COG5: variants seen among roughly 807,000 people sequenced by gnomAD.
The protein encoded by COG5 is conserved oligomeric Golgi complex subunit 5.
COG5 carries 86 observed loss-of-function variants against 110.4 expected under a neutral mutation model. The ratio of observed to expected loss-of-function variants is 0.78; its 90% confidence interval spans 0.65 to 0.93. The LOEUF (loss-of-function observed/expected upper bound fraction) is 0.93, where lower values mean the gene tolerates loss of function less well. COG5 is among the 40% of genes least tolerant of loss of function. COG5 has a pLI of 0.00. For synonymous variants in COG5, 360 were observed against 334.6 expected (o/e 1.08, Z -0.83); for missense variants, 1,077 against 987.0 (o/e 1.09, Z -1.22).
intron 6 of COG5, among the ~76,000 whole-genome samples, chr7:107,508,606 G>A (rs965041182): frequency 3.9e-5 from 6 of 152,228 alleles, no homozygotes; most frequent in African/African-American, 1.4e-4. Flanking sequence ...TGACCCCCGA[G>A]CAGCCTAACT....
At chr7:107,501,432 A>G (rs1798626628) in intron 6 of COG5, among the ~76,000 whole-genome samples, 1 of 152,108 alleles carries the variant, frequency 6.6e-6, no homozygotes, top group Non-Finnish European at 1.5e-5. Context: ...CAGAGCTTCC[A>G]TGAACATTAT....
At chr7:107,265,232 C>G (rs1803701874) in intron 14 of COG5, among the ~76,000 whole-genome samples, 1 of 152,102 alleles carries the variant, frequency 6.6e-6, no homozygotes, top group Non-Finnish European at 1.5e-5. Context: ...ATAATCTCAT[C>G]AAGGTACTTT....
intron 2 of COG5, among the ~76,000 whole-genome samples, chr7:107,555,837 T>A (rs1216995282): frequency 6.6e-6 from 1 of 151,626 alleles, no homozygotes; most frequent in African/African-American, 2.4e-5. Context: ...CATGGTGAAA[T>A]CCTGTCTCTA....
At chr7:107,493,970 T>A (rs527530089) in intron 6 of COG5, among the ~76,000 whole-genome samples, 2 of 152,232 alleles carry the variant, frequency 1.3e-5, no homozygotes, top group South Asian at 4.1e-4. Flanking sequence ...TATTAAAAAT[T>A]TCCACAAGAC....
In COG5 at chr7:107,298,362, A is replaced by G. The variant is rs765304614; in HGVS notation, c.1109-16T>C. 2 of 1,596,666 alleles carry G rather than the reference A, an allele frequency of 1.3e-6. No homozygotes were observed. The highest frequency in any genetic ancestry group is 2.2e-5 in the East Asian group (1 of 44,670). ...AACATCGAAGCTGCCAAGCAAAACA[A>G]GAACATGAATTAGAAAAATAATAAA... On this transcript the variant is annotated splice_polypyrimidine_tract_variant and intron_variant, in intron 11 of 21. Coordinates refer to ENST00000297135, the MANE Select transcript of COG5 (RefSeq NM_006348.5).
chr7:107,450,848 G>A (rs932841372), intron 6 of COG5, among the ~76,000 whole-genome samples: 2 of 152,100 alleles, frequency 1.3e-5, no homozygotes, highest in Non-Finnish European at 2.9e-5. Flanking sequence ...TCAGTACCTT[G>A]CCTTAAAGTT....
intron 19 of COG5, among the ~76,000 whole-genome samples, 183 bp from the exon 20 acceptor site, chr7:107,211,408 G>A (rs573057491): frequency 2.8e-4 from 43 of 151,850 alleles, no homozygotes; most frequent in African/African-American, 8.2e-4. Flanking sequence ...ACATGCCCAC[G>A]TGCTCACAGG....
intron 19 of COG5, among the ~76,000 whole-genome samples, chr7:107,213,309 G>T (rs887427823): frequency 1.3e-5 from 2 of 152,110 alleles, no homozygotes; most frequent in African/African-American, 4.8e-5. Context: ...TTTTTGAAGA[G>T]AACAGTGGCT....
intron 1 of COG5, among the ~76,000 whole-genome samples, chr7:107,562,720 A>C (rs1014685080): frequency 6.6e-6 from 1 of 152,258 alleles, no homozygotes; most frequent in Non-Finnish European, 1.5e-5. Flanking sequence ...TGCTTTTGAC[A>C]AAAGTACATA....
chr7:107,290,779 T>C (rs1474555564), intron 12 of COG5, among the ~76,000 whole-genome samples: 2 of 152,164 alleles, frequency 1.3e-5, no homozygotes, highest in African/African-American at 2.4e-5. Flanking sequence ...GTTAATGTTA[T>C]TGGGACTCCC....
chr7:107,214,736 A>G (rs1456796662), intron 19 of COG5, among the ~76,000 whole-genome samples: 1 of 152,132 alleles, frequency 6.6e-6, no homozygotes, highest in Non-Finnish European at 1.5e-5. Flanking sequence ...AGCCTGGTCA[A>G]CATGGCAAAA....
chr7:107,439,109 C>T (rs1163770850), intron 6 of COG5, among the ~76,000 whole-genome samples: 1 of 152,098 alleles, frequency 6.6e-6, no homozygotes, highest in African/African-American at 2.4e-5. Context: ...CGATCATTAC[C>T]GTAAGGCCAA....
intron 21 of COG5, 89 bp downstream of exon 21, chr7:107,210,437 C>A: frequency 6.5e-7 from 1 of 1,538,006 alleles, no homozygotes; most frequent in South Asian, 1.2e-5. Context: ...TGTCCATGCC[C>A]CCAGGCACTG....
chr7:107,364,979 G>A (rs1487150770), intron 8 of COG5, among the ~76,000 whole-genome samples: 1 of 152,096 alleles, frequency 6.6e-6, no homozygotes, highest in Non-Finnish European at 1.5e-5. Context: ...TGTCTCATAT[G>A]TTATATAAAG....
At chr7:107,499,293 T>C (rs2129134602) in intron 6 of COG5, among the ~76,000 whole-genome samples, 1 of 152,270 alleles carries the variant, frequency 6.6e-6, no homozygotes, top group South Asian at 2.1e-4. Flanking sequence ...AGGGTAGATC[T>C]CATATTAAGC....
chr7:107,309,491 A>G (rs1808027136), intron 11 of COG5, among the ~76,000 whole-genome samples: 1 of 152,170 alleles, frequency 6.6e-6, no homozygotes, highest in Non-Finnish European at 1.5e-5. Context: ...AGCTTTTTGC[A>G]GAGCCCAGTG....
At chr7:107,263,657 T>C (rs761875447) in intron 14 of COG5, among the ~76,000 whole-genome samples, 6 of 152,226 alleles carry the variant, frequency 3.9e-5, no homozygotes, top group African/African-American at 1.2e-4. Flanking sequence ...ATAATTCTTA[T>C]GTGCAAATGA....
intron 7 of COG5, among the ~76,000 whole-genome samples, chr7:107,381,349 G>C (rs1034337183): frequency 6.6e-6 from 1 of 151,990 alleles, no homozygotes. Flanking sequence ...TAGCTACATG[G>C]GATTGCCAAA....
intron 6 of COG5, among the ~76,000 whole-genome samples, chr7:107,502,729 T>C (rs1047522412): frequency 6.6e-6 from 1 of 152,178 alleles, no homozygotes; most frequent in South Asian, 2.1e-4. Flanking sequence ...GCTGATAATC[T>C]CACTGTGGTT....
Sources: allele counts gnomAD v4.1 joint callset (sites outside exome capture counted in the v4.1 genomes callset), GRCh38; gene constraint gnomAD v4.1.1; transcripts MANE v1.5; gene names NCBI Gene and HGNC (gene_info 2026-07-23, HGNC 2026-07-21).